The following MALSU1 variants were observed in gnomAD, a reference collection of about 807,000 sequenced individuals.
MALSU1 encodes the protein mitochondrial assembly of ribosomal large subunit protein 1.
MALSU1 carries 22 observed loss-of-function variants against 22.1 expected under a neutral mutation model. The ratio of observed to expected loss-of-function variants is 1.00; its 90% CI spans 0.71 to 1.42. MALSU1 has a LOEUF of 1.42. Ranked by LOEUF, MALSU1 falls within the 40% of genes most tolerant of loss-of-function variation. The pLI, the probability that MALSU1 is intolerant of heterozygous loss-of-function variation, is 0.00. For missense variants in MALSU1, 379 were observed against 308.3 expected (o/e 1.23, Z -1.72); for synonymous variants, 153 against 118.5 (o/e 1.29, Z -1.89).
chr7:23,301,275 A>C, intron 2 of MALSU1: 1 of 286,252 alleles, frequency 3.5e-6, no homozygotes, highest in East Asian at 6.5e-5. Context: ...TTTTTTTCTA[A>C]TTGAGATGGA....
At chr7:23,299,814 G>A (rs1181483015) in intron 1 of MALSU1, among the ~76,000 whole-genome samples, 1 of 152,182 alleles carries the variant, frequency 6.6e-6, no homozygotes, top group Non-Finnish European at 1.5e-5. Context: ...GAGATGAACT[G>A]CAGAATCCCA....
chr7:23,304,840 A>G (rs181208274), intron 2 of MALSU1, among the ~76,000 whole-genome samples: 8 of 152,278 alleles, frequency 5.3e-5, no homozygotes, highest in East Asian at 3.9e-4. Context: ...TTAATCCCTT[A>G]TCAAATATGT....
At position 23,307,937 on chromosome 7, in the gene MALSU1, T is replaced by C. The variant is rs751946003; in HGVS notation, c.505T>C (p.Cys169Arg). 3 of 1,613,110 alleles carry C rather than the reference T, an allele frequency of 1.9e-6. No individual in the cohort carries two copies. Among genetic ancestry groups the C allele is most frequent in the Non-Finnish European group, 2.5e-6 (3 of 1,179,146 alleles). Residue 169 changes from cysteine to arginine, a missense_variant, in exon 3 of 4, where the codon TGC becomes CGC. Transcript: ENST00000466681. ...IEGKDTDDWL[C>R]VDFGSMVIHL... ...AGGGAAGGACACTGATGACTGGCTG[T>C]GCGTGGATTTTGGTAAGTTATTCTG...
chr7:23,300,879 A>C lies in MALSU1; in HGVS notation c.297A>C (p.Ser99=), dbSNP rs376889891. 7 of 1,613,932 alleles carry C rather than the reference A, an allele frequency of 4.3e-6. No individual in the cohort carries two copies. The Middle Eastern group carries it at 6.6e-4, about 152-fold the overall frequency. The change falls in exon 2 of 4, where the codon TCA becomes TCC. Residue 99 remains serine (S), a synonymous_variant. Coordinates refer to ENST00000466681, the MANE Select transcript of MALSU1 (RefSeq NM_138446.2). ...AGTTTGACATCGATATGATGGTTTCACTTCTGAGGCAAGAAAATGCAAGAG... is the reference window on the plus strand; with the variant it reads ...AGTTTGACATCGATATGATGGTTTCCCTTCTGAGGCAAGAAAATGCAAGAG... ...GPKFDIDMMV[S]LLRQENARDI...
At chr7:23,304,070 C>T (rs1489630708) in intron 2 of MALSU1, among the ~76,000 whole-genome samples, 1 of 151,446 alleles carries the variant, frequency 6.6e-6, no homozygotes, top group Non-Finnish European at 1.5e-5. Context: ...TGTGCCACTG[C>T]TCTCCAGCCT....
intron 2 of MALSU1, among the ~76,000 whole-genome samples, chr7:23,302,372 A>G (rs1465540718): frequency 6.6e-6 from 1 of 152,216 alleles, no homozygotes; most frequent in African/African-American, 2.4e-5. Context: ...AGAATTGGTC[A>G]TAGAGGAGGC....
chr7:23,306,107 T>C (rs1382493111), intron 2 of MALSU1, among the ~76,000 whole-genome samples: 1 of 152,116 alleles, frequency 6.6e-6, no homozygotes, highest in East Asian at 1.9e-4. Flanking sequence ...GGCAGGAGAA[T>C]CGCTTGAACT....
At chr7:23,302,578 A>G (rs1393074281) in intron 2 of MALSU1, among the ~76,000 whole-genome samples, 2 of 152,214 alleles carry the variant, frequency 1.3e-5, no homozygotes, top group Non-Finnish European at 1.5e-5. Flanking sequence ...TCTCTATCAG[A>G]TGTAATAGTG....
rs751891749 is a variant in MALSU1 at position 23,299,347 on chromosome 7, G to A, written c.-6G>A. The A allele has an allele frequency of 6.4e-7, 1 of 1,558,520 alleles. No homozygotes were observed. Among genetic ancestry groups the A allele is most frequent in the Non-Finnish European group, 8.6e-7 (1 of 1,158,132 alleles). On this transcript the variant is annotated 5_prime_UTR_variant, in exon 1 of 4. Coordinates refer to ENST00000466681, the MANE Select transcript of MALSU1 (RefSeq NM_138446.2). Reference sequence around the variant, plus strand: ...CCACCCGCGACGCCGACGCAAGGCTGCTGCTATGGGGCCGGGCGGCCGTGT... The same window carrying A: ...CCACCCGCGACGCCGACGCAAGGCTACTGCTATGGGGCCGGGCGGCCGTGT...
At position 23,310,337 on chromosome 7, in the gene MALSU1, C is replaced by T. The variant is rs1783794244; in HGVS notation, c.*794C>T. 6.6e-6 allele frequency: 1 copy of T among 152,162 alleles called. No homozygotes were observed. Among genetic ancestry groups the T allele is most frequent in the Non-Finnish European group, 1.5e-5 (1 of 68,026 alleles). 9.4% of individuals were successfully genotyped at this position (152,162 alleles called of 1,614,324 possible). Reference sequence around the variant, plus strand: ...ACAAAACTCAATTATAGAATTATTTCTTAGCTAGTACCAGATACTCCAAAT... The same window carrying T: ...ACAAAACTCAATTATAGAATTATTTTTTAGCTAGTACCAGATACTCCAAAT... On this transcript the variant is annotated 3_prime_UTR_variant, in exon 4 of 4. Transcript: ENST00000466681.
In MALSU1 at chr7:23,309,516, G is replaced by A. The variant is rs1267039025; in HGVS notation, c.678G>A (p.Val226=). 4 of 1,603,018 alleles carry A rather than the reference G, an allele frequency of 2.5e-6. No homozygotes were observed. Among genetic ancestry groups the A allele is most frequent in the Non-Finnish European group, 3.4e-6 (4 of 1,177,056 alleles). The change falls in exon 4 of 4, where the codon GTG becomes GTA. Residue 226 remains valine (V), a synonymous_variant. Coordinates refer to ENST00000466681, the MANE Select transcript of MALSU1 (RefSeq NM_138446.2). ...ILGIEDDTSS[V]TPVELKCE ...GAATAGAAGATGATACTTCATCTGT[G>A]ACTCCAGTGGAGTTAAAATGTGAAT...
rs759092483 is a variant in MALSU1 at position 23,309,397 on chromosome 7, A to G, written c.559A>G (p.Ile187Val). Residue 187 changes from isoleucine (I) to valine (V), a missense_variant, in exon 4 of 4, where the codon ATC (isoleucine) becomes GTC (valine). Ile to Val is a conservative substitution (Grantham distance 29). Coordinates refer to ENST00000466681, the MANE Select transcript of MALSU1 (RefSeq NM_138446.2). ...IHLMLPETRE[I>V]YELEKLWTLR... ...TTTGATGCTTCCAGAAACCAGAGAAATCTATGAATTAGAGAAATTATGGAC... is the reference window on the plus strand; with the variant it reads ...TTTGATGCTTCCAGAAACCAGAGAAGTCTATGAATTAGAGAAATTATGGAC... 4 of 1,613,178 alleles carry G rather than the reference A, an allele frequency of 2.5e-6. No individual in the cohort carries two copies. The South Asian group carries it at 4.4e-5, about 18-fold the overall frequency.
intron 2 of MALSU1, among the ~76,000 whole-genome samples, chr7:23,304,285 C>T (rs1191042628): frequency 6.6e-6 from 1 of 152,116 alleles, no homozygotes; most frequent in Non-Finnish European, 1.5e-5. Context: ...ATAGTGGCTA[C>T]ACCACTTTAC....
chr7:23,299,622 G>C lies in MALSU1; in HGVS notation c.256+14G>C. On this transcript the variant is annotated intron_variant, in intron 1 of 3. Coordinates refer to ENST00000466681, the MANE Select transcript of MALSU1 (RefSeq NM_138446.2). The stretch of plus-strand genomic sequence containing the variant: ...CGGACGCGGCAGGTACGGGCGTGGA[G>C]AAGAACGAAGGCGACCCTCTCCGGG... 1.3e-6 allele frequency: 2 copies of C among 1,559,378 alleles called. No homozygotes were observed. Among genetic ancestry groups the C allele is most frequent in the East Asian group, 2.4e-5 (1 of 41,462 alleles).
chr7:23,299,357 G>A lies in MALSU1; in HGVS notation c.5G>A (p.Gly2Glu), dbSNP rs1410419475. 1.2e-5 allele frequency: 19 copies of A among 1,571,772 alleles called. No individual in the cohort carries two copies. Among genetic ancestry groups the A allele is most frequent in the Non-Finnish European group, 1.5e-5 (18 of 1,164,130 alleles). The change falls in exon 1 of 4, where the codon GGG becomes GAG. Residue 2 changes from glycine to glutamate, a missense_variant. Physicochemically the swap from Gly to Glu is moderately conservative, Grantham distance 98 (BLOSUM62 -2). Coordinates refer to ENST00000466681, the MANE Select transcript of MALSU1 (RefSeq NM_138446.2). M[G>E]PGGRVARLLA... ...CGCCGACGCAAGGCTGCTGCTATGG[G>A]GCCGGGCGGCCGTGTGGCGCGGCTG...
At position 23,309,525 on chromosome 7, in the gene MALSU1, G is replaced by C. The variant is rs373427319; in HGVS notation, c.687G>C (p.Val229=). 2.5e-6 allele frequency: 4 copies of C among 1,601,360 alleles called. No homozygotes were observed. Among genetic ancestry groups the C allele is most frequent in the Non-Finnish European group, 3.4e-6 (4 of 1,176,544 alleles). Residue 229 remains valine, a synonymous_variant, in exon 4 of 4, where the codon GTG becomes GTC. Transcript: ENST00000466681. ...ATGATACTTCATCTGTGACTCCAGT[G>C]GAGTTAAAATGTGAATAAAATATTT... is the stretch of plus-strand genomic sequence containing the variant. ...IEDDTSSVTP[V]ELKCE
Position 23,309,448 on chromosome 7 carries a change from G to A in MALSU1, c.610G>A (p.Ala204Thr). 6.2e-7 allele frequency: 1 copy of A among 1,613,168 alleles called. No homozygotes were observed. Among genetic ancestry groups the A allele is most frequent in the Non-Finnish European group, 8.5e-7 (1 of 1,179,336 alleles). Reference sequence around the variant, plus strand: ...CCTACGTTCTTATGATGACCAGTTAGCTCAGATAGCACCTGAGACAGTACC... The same window carrying A: ...CCTACGTTCTTATGATGACCAGTTAACTCAGATAGCACCTGAGACAGTACC... The part of the protein sequence containing the change: ...WTLRSYDDQL[A>T]QIAPETVPED... The change falls in exon 4 of 4, where the codon GCT (alanine) becomes ACT (threonine). Residue 204 changes from alanine to threonine, a missense_variant. Physicochemically the swap from Ala to Thr is moderately conservative, Grantham distance 58. Coordinates refer to ENST00000466681, the MANE Select transcript of MALSU1 (RefSeq NM_138446.2).
chr7:23,301,630 C>T (rs1389009767), intron 2 of MALSU1, among the ~76,000 whole-genome samples: 1 of 152,146 alleles, frequency 6.6e-6, no homozygotes, highest in Non-Finnish European at 1.5e-5. Context: ...GAGGCACTAT[C>T]CATTACGGTA....
At chr7:23,309,290 G>GT (rs2128489745) in intron 3 of MALSU1, 66 bp from the exon 4 acceptor site, 2 of 1,401,668 alleles carry the variant, frequency 1.4e-6, no homozygotes, top group Non-Finnish European at 1.9e-6. Flanking sequence ...GCCAGTGTGT[G>GT]TTGTAAGGTA....
Sources: gnomAD v4.1 joint callset for allele counts (sites outside exome capture counted in the v4.1 genomes callset) on GRCh38, gnomAD v4.1.1 for gene constraint, MANE v1.5 for transcripts, NCBI Gene and HGNC (gene_info 2026-07-23, HGNC 2026-07-21) for gene names.